The following PRIM2 variants were observed in gnomAD, a reference collection of about 807,000 sequenced individuals.
PRIM2 encodes the protein DNA primase subunit 2, also known as DNA primase large subunit.
In PRIM2, 39 loss-of-function variants were observed where a neutral mutation model predicts 67.3. The observed-to-expected ratio is 0.58, with a 90% CI of 0.45 to 0.76. The LOEUF is 0.76. Among genes scored for constraint, PRIM2 ranks in the 30% least tolerant of loss-of-function variants. The pLI, the probability that PRIM2 is intolerant of heterozygous loss-of-function variation, is 0.00. For missense variants in PRIM2, 398 were observed against 598.7 expected, an observed-to-expected ratio of 0.66 and a Z score of 3.50; for synonymous variants, 143 against 198.7, an observed-to-expected ratio of 0.72 and a Z score of 2.36.
chr6:57,392,842 T>G (rs563698742), intron 7 of PRIM2, among the ~76,000 whole-genome samples: 18 of 152,224 alleles, frequency 1.2e-4, no homozygotes, highest in African/African-American at 4.3e-4. Context: ...ATCATTCTTA[T>G]GCCTTACATC....
Position 57,419,280 on chromosome 6 carries a change from C to T in PRIM2, c.693+37112C>T, listed in dbSNP as rs12212200. On this transcript the variant is annotated intron_variant, in intron 7 of 13. Transcript: ENST00000615550. ...TCTGGAGAATGGGGTGGTTAGACTA[C>T]GGGGAGTTGCCATCCATATCCTAGA... Among the ~76,000 whole-genome samples the T allele has an allele frequency of 1.6e-3, 243 of 151,918 alleles. 3 individuals are homozygous for T. The highest frequency in any genetic ancestry group is 0.014 in the Admixed American group (210 of 15,260).
the PRIM2 span, among the ~76,000 whole-genome samples, chr6:57,306,807 A>G: frequency 6.6e-6 from 1 of 152,236 alleles, no homozygotes; most frequent in Non-Finnish European, 1.5e-5. Flanking sequence ...CACTGACAGT[A>G]TGTACTCCAG....
chr6:57,444,516 G>A (rs1174250186), intron 7 of PRIM2, among the ~76,000 whole-genome samples: 1 of 150,678 alleles, frequency 6.6e-6, no homozygotes, highest in African/African-American at 2.4e-5. Flanking sequence ...GCAGTGAGCC[G>A]AGATCGTACC....
At chr6:57,594,055 T>C (rs1452368829) in intron 10 of PRIM2, among the ~76,000 whole-genome samples, 1 of 152,194 alleles carries the variant, frequency 6.6e-6, no homozygotes, top group Non-Finnish European at 1.5e-5. Context: ...ACAAAAAAGA[T>C]TATAGTTCAT....
intron 7 of PRIM2, among the ~76,000 whole-genome samples, chr6:57,414,261 G>A (rs1176135805): frequency 3.3e-5 from 5 of 152,098 alleles, no homozygotes; most frequent in African/African-American, 1.2e-4. Flanking sequence ...ATACTTATTT[G>A]AAGAACATGA....
intron 10 of PRIM2, among the ~76,000 whole-genome samples, chr6:57,582,551 A>C (rs1776106885): frequency 2.0e-5 from 3 of 152,188 alleles, no homozygotes; most frequent in Admixed American, 6.5e-5. Context: ...CTGGATAAGT[A>C]ATATGAGTGA....
intron 13 of PRIM2, among the ~76,000 whole-genome samples, chr6:57,639,871 C>CT (rs1777199078): frequency 1.3e-5 from 2 of 151,974 alleles, no homozygotes; most frequent in South Asian, 4.2e-4. Flanking sequence ...GGAGTCCTCT[C>CT]TAACTCATTT....
At chr6:57,395,239 A>G (rs1249697823) in intron 7 of PRIM2, among the ~76,000 whole-genome samples, 1 of 152,122 alleles carries the variant, frequency 6.6e-6, no homozygotes, top group Admixed American at 6.5e-5. Context: ...AAGGATTGGT[A>G]CCAATTCTTC....
intron 8 of PRIM2, among the ~76,000 whole-genome samples, chr6:57,515,337 AC>A (rs1171875100): frequency 6.6e-6 from 1 of 152,238 alleles, no homozygotes; most frequent in Non-Finnish European, 1.5e-5. Context: ...GAGAAGAAAT[AC>A]TGTAGTAACT....
chr6:57,260,006 A>AT, the PRIM2 span, among the ~76,000 whole-genome samples: 29 of 152,102 alleles, frequency 1.9e-4, no homozygotes, highest in Admixed American at 8.5e-4. Flanking sequence ...AATTAGTCCC[A>AT]TTTTTTTCTG....
intron 7 of PRIM2, among the ~76,000 whole-genome samples, chr6:57,423,024 G>A (rs1486107409): frequency 1.3e-5 from 2 of 152,294 alleles, no homozygotes; most frequent in Non-Finnish European, 2.9e-5. Context: ...GTAATTCCTT[G>A]TAACACAAAT....
intron 10 of PRIM2, among the ~76,000 whole-genome samples, chr6:57,577,101 T>C (rs1775977093): frequency 6.6e-6 from 1 of 152,230 alleles, no homozygotes; most frequent in Non-Finnish European, 1.5e-5. Context: ...CACTAGATTC[T>C]GAATATAGCC....
intron 10 of PRIM2, among the ~76,000 whole-genome samples, chr6:57,580,994 C>G (rs1159248176): frequency 6.6e-6 from 1 of 151,758 alleles, no homozygotes; most frequent in African/African-American, 2.4e-5. Flanking sequence ...GAAAATAAAT[C>G]TGGGAAAATA....
chr6:57,331,049 G>A (rs6459191), intron 5 of PRIM2, among the ~76,000 whole-genome samples: 106,970 of 151,698 alleles, frequency 0.71, 38,041 homozygotes, highest in African/African-American at 0.81. Flanking sequence ...TTAGCCAGAC[G>A]TGGTGGTGCG....
At chr6:57,392,321 G>A (rs1770378979) in intron 7 of PRIM2, among the ~76,000 whole-genome samples, 2 of 152,114 alleles carry the variant, frequency 1.3e-5, no homozygotes, top group East Asian at 1.9e-4. Context: ...TGCAAACAGG[G>A]ATAGTTTGAT....
intron 7 of PRIM2, among the ~76,000 whole-genome samples, chr6:57,402,063 A>C (rs1239905659): frequency 6.6e-6 from 1 of 151,788 alleles, no homozygotes; most frequent in Admixed American, 6.6e-5. Flanking sequence ...GGCCTGGCGG[A>C]CCTGCCCAGT....
At chr6:57,471,214 A>G (rs1208863691) in intron 7 of PRIM2, among the ~76,000 whole-genome samples, 49,784 of 151,912 alleles carry the variant, frequency 0.33, 8,141 homozygotes, top group East Asian at 0.45. Context: ...GGGCATGTGG[A>G]AGAGATACTA....
At chr6:57,506,511 G>A (rs1462558591) in intron 7 of PRIM2, among the ~76,000 whole-genome samples, 3 of 151,902 alleles carry the variant, frequency 2.0e-5, no homozygotes, top group Non-Finnish European at 4.4e-5. Context: ...TTTGTGAATT[G>A]TTAAATGATT....
chr6:57,364,308 A>AGTTATGTC (rs1769285124), intron 5 of PRIM2, among the ~76,000 whole-genome samples: 1 of 151,954 alleles, frequency 6.6e-6, no homozygotes. Context: ...TTGCCCTCCC[A>AGTTATGTC]CAGCCTTTTT....
Sources: gnomAD v4.1 joint callset for allele counts (sites outside exome capture counted in the v4.1 genomes callset) on GRCh38, gnomAD v4.1.1 for gene constraint, MANE v1.5 for transcripts, NCBI Gene and HGNC (gene_info 2026-07-23, HGNC 2026-07-21) for gene names.